The following DISC1 variants were observed in gnomAD, a reference collection of about 807,000 sequenced individuals.
DISC1 encodes disrupted in schizophrenia 1 protein.
Under a neutral mutation model 84.5 loss-of-function variants are expected in DISC1, and 57 were observed. The observed-to-expected ratio is 0.67, with a 90% CI of 0.55 to 0.84. The LOEUF (loss-of-function observed/expected upper bound fraction) is 0.84. Ranked by LOEUF, DISC1 falls within the 40% of genes least tolerant of loss-of-function variation. The pLI, the probability that DISC1 is intolerant of heterozygous loss-of-function variation, is 0.00. For missense variants in DISC1, 1,000 were observed against 1,057.8 expected (o/e 0.95, Z 0.76); for synonymous variants, 411 against 415.2 (o/e 0.99, Z 0.12).
intron 4 of DISC1, among the ~76,000 whole-genome samples, chr1:231,758,400 C>G (rs1290273540): frequency 6.6e-6 from 1 of 151,944 alleles, no homozygotes; most frequent in Non-Finnish European, 1.5e-5. Context: ...AGTTTACTCC[C>G]ATGTGGGCCA....
In DISC1 at chr1:231,675,212, C is replaced by T. The variant is rs1019880082; in HGVS notation, c.68-18614C>T. 1.3e-5 allele frequency among the ~76,000 whole-genome samples: 2 copies of T among 151,794 alleles called. No homozygotes were observed. ...ATCCATGTGTGTCCTGCTTATTGGT[C>T]CTTAGGCTACTCCCGCCCGCAAAGT... On this transcript the variant is annotated intron_variant, in intron 1 of 12. Coordinates refer to ENST00000439617, the MANE Select transcript of DISC1 (RefSeq NM_018662.3). This position sits in a 1 kb window ranked among gnomAD's most constrained non-coding sequence, Gnocchi z 4.1.
chr1:231,745,529 T>G (rs1281555384), intron 3 of DISC1: 2 of 185,772 alleles, frequency 1.1e-5, no homozygotes, highest in African/African-American at 4.8e-5. Flanking sequence ...GCCTAAACAT[T>G]CATTATCTTT....
chr1:231,739,811 C>G (rs1380018411), intron 3 of DISC1, among the ~76,000 whole-genome samples: 2 of 152,192 alleles, frequency 1.3e-5, no homozygotes, highest in Non-Finnish European at 2.9e-5. Context: ...CCAGAGGAAC[C>G]ATTTCCACAT....
chr1:231,894,091 A>G (rs1278378293), intron 9 of DISC1, among the ~76,000 whole-genome samples: 5 of 152,196 alleles, frequency 3.3e-5, no homozygotes, highest in Non-Finnish European at 5.9e-5. Context: ...TGGGTGTGGT[A>G]TTGCATACAC....
intron 8 of DISC1, among the ~76,000 whole-genome samples, chr1:231,809,466 AT>A (rs2080065856): frequency 7.0e-6 from 1 of 143,282 alleles, no homozygotes; most frequent in African/African-American, 2.6e-5. Context: ...TCAAATAATT[AT>A]TTATTTTAAA....
At chr1:231,888,789 C>T (rs1041691729) in intron 9 of DISC1, among the ~76,000 whole-genome samples, 14 of 150,392 alleles carry the variant, frequency 9.3e-5, no homozygotes, top group African/African-American at 3.4e-4. Flanking sequence ...CCCCCATCCA[C>T]AGGGCTGCTG....
At chr1:231,750,860 GC>G (rs1375835207) in intron 4 of DISC1, among the ~76,000 whole-genome samples, 1 of 152,150 alleles carries the variant, frequency 6.6e-6, no homozygotes, top group Admixed American at 6.5e-5. Flanking sequence ...TATCAACATG[GC>G]CACAACAATT....
chr1:231,745,958 C>T (rs2073934895), intron 3 of DISC1, among the ~76,000 whole-genome samples: 1 of 152,124 alleles, frequency 6.6e-6, no homozygotes, highest in Non-Finnish European at 1.5e-5. Context: ...CCTGGCATTT[C>T]TTGCTTGTTC....
chr1:231,699,678 CT>C (rs1297597915), intron 2 of DISC1, among the ~76,000 whole-genome samples: 1 of 152,194 alleles, frequency 6.6e-6, no homozygotes, highest in African/African-American at 2.4e-5. Context: ...TTCTTCTGCT[CT>C]TACTAACAGC....
At position 232,009,379 on chromosome 1, in the gene DISC1, T is replaced by A; in HGVS notation, c.2307+330T>A. On this transcript the variant is annotated intron_variant, in intron 11 of 12. Coordinates refer to ENST00000439617, the MANE Select transcript of DISC1 (RefSeq NM_018662.3). This position sits in a 1 kb window ranked among gnomAD's most constrained non-coding sequence, Gnocchi z 4.6. ...TGTCATATATAATATAGTTATTATA[T>A]TCACTATAGATTATATATGCCATAC... The A allele has an allele frequency of 1.2e-6, 1 of 834,056 alleles. No homozygotes were observed. The highest frequency in any genetic ancestry group is 1.5e-6 in the Non-Finnish European group (1 of 676,278). The allele number at this position is 834,056 out of a possible 1,614,324, so 51.7% of individuals were successfully genotyped here. A position where few individuals can be genotyped will look rare whatever the true frequency, so the allele number is the denominator to read the frequency against.
At chr1:231,982,149 C>T (rs911525086) in intron 10 of DISC1, among the ~76,000 whole-genome samples, 17 of 152,114 alleles carry the variant, frequency 1.1e-4, no homozygotes, top group African/African-American at 4.1e-4. Flanking sequence ...CCAATTTTTT[C>T]TTTAATTAAT....
intron 4 of DISC1, among the ~76,000 whole-genome samples, chr1:231,762,100 C>G (rs560126390): frequency 6.6e-6 from 1 of 151,500 alleles, no homozygotes; most frequent in Admixed American, 6.6e-5. Context: ...TTTCTTTTTT[C>G]TTTCTTCTTT....
intron 11 of DISC1, among the ~76,000 whole-genome samples, chr1:232,022,149 G>T (rs1572663951): frequency 6.6e-6 from 1 of 152,106 alleles, no homozygotes; most frequent in Admixed American, 6.5e-5. Flanking sequence ...TTTTTTGATG[G>T]TGGAGAGGCA....
chr1:231,697,712 G>T (rs1281357077), intron 2 of DISC1, among the ~76,000 whole-genome samples: 1 of 150,848 alleles, frequency 6.6e-6, no homozygotes, highest in Non-Finnish European at 1.5e-5. Context: ...AGCCTCCAAG[G>T]TACTGGGATT....
chr1:231,985,395 T>C (rs116260116), intron 10 of DISC1, among the ~76,000 whole-genome samples: 1,587 of 151,690 alleles, frequency 0.01, 28 homozygotes, highest in African/African-American at 0.035. Context: ...TGTGTTATTA[T>C]GCAGACTGAA....
At chr1:231,788,396 C>G (rs1173414650) in intron 6 of DISC1, among the ~76,000 whole-genome samples, 4 of 152,110 alleles carry the variant, frequency 2.6e-5, no homozygotes, top group Admixed American at 2.6e-4. Flanking sequence ...TCATTTTCTC[C>G]CTGTGTCTTT....
chr1:232,017,263 A>G (rs893952347), intron 11 of DISC1, among the ~76,000 whole-genome samples: 6 of 152,184 alleles, frequency 3.9e-5, no homozygotes, highest in Non-Finnish European at 5.9e-5. Flanking sequence ...GGGGGTAATC[A>G]CATCTGGTTT....
intron 6 of DISC1, among the ~76,000 whole-genome samples, chr1:231,775,076 G>A (rs892816438): frequency 1.3e-5 from 2 of 152,198 alleles, no homozygotes; most frequent in African/African-American, 2.4e-5. Flanking sequence ...CTTATAAAGA[G>A]AAGTTGCAGA....
At chr1:231,851,608 T>C (rs1431419007) in intron 9 of DISC1, among the ~76,000 whole-genome samples, 1 of 152,156 alleles carries the variant, frequency 6.6e-6, no homozygotes, top group African/African-American at 2.4e-5. Flanking sequence ...TGTCCCCATT[T>C]TACAGGTGCC....
Sources: gnomAD v4.1 joint callset for allele counts (sites outside exome capture counted in the v4.1 genomes callset) on GRCh38, gnomAD v4.1.1 for gene constraint, Gnocchi (gnomAD v3.1) non-coding constraint, MANE v1.5 for transcripts, NCBI Gene and HGNC (gene_info 2026-07-23, HGNC 2026-07-21) for gene names.